The following DYRK1A variants were observed in gnomAD, a reference collection of about 807,000 sequenced individuals.
DYRK1A encodes dual specificity tyrosine-phosphorylation-regulated kinase 1A.
DYRK1A carries 9 observed loss-of-function variants against 79.7 expected under a neutral mutation model. The observed-to-expected ratio is 0.11, with a 90% CI of 0.07 to 0.20. DYRK1A has a LOEUF of 0.20. Among genes scored for constraint, DYRK1A ranks in the 10% least tolerant of loss-of-function variants. DYRK1A has a pLI of 1.00. For synonymous variants in DYRK1A, 349 were observed against 329.7 expected (o/e 1.06, Z -0.63); for missense variants, 622 against 956.0 (o/e 0.65, Z 4.61).
chr21:37,466,715 A>G (rs1023103551), intron 2 of DYRK1A, among the ~76,000 whole-genome samples: 1 of 152,212 alleles, frequency 6.6e-6, no homozygotes, highest in Non-Finnish European at 1.5e-5. Flanking sequence ...AACAACCCTG[A>G]ATTTGTATTA....
intron 1 of DYRK1A, among the ~76,000 whole-genome samples, chr21:37,368,971 C>A (rs947943977): frequency 6.6e-6 from 1 of 152,002 alleles, no homozygotes; most frequent in Non-Finnish European, 1.5e-5. Flanking sequence ...AGGCCTTTCC[C>A]CCCCCAAGAA....
At chr21:37,510,021 T>A (rs780642597) in intron 11 of DYRK1A, among the ~76,000 whole-genome samples, 10 of 152,224 alleles carry the variant, frequency 6.6e-5, no homozygotes, top group Non-Finnish European at 1.5e-4. Flanking sequence ...GCCATCTAGA[T>A]TATCAGATCA....
chr21:37,502,839 T>A (rs1458231225), intron 9 of DYRK1A: 3 of 152,212 alleles, frequency 2.0e-5, no homozygotes, highest in Non-Finnish European at 1.5e-5. Context: ...AAATACTTGT[T>A]TACCTTTATT....
chr21:37,485,617 T>A (rs1457452689), intron 5 of DYRK1A, among the ~76,000 whole-genome samples: 1 of 152,248 alleles, frequency 6.6e-6, no homozygotes, highest in East Asian at 1.9e-4. Flanking sequence ...AAAGAATTAC[T>A]TATTCAGACA....
At chr21:37,504,261 C>G (rs528189968) in intron 9 of DYRK1A, 2 of 152,618 alleles carry the variant, frequency 1.3e-5, no homozygotes, top group Admixed American at 1.3e-4. Flanking sequence ...ACTCCTAACT[C>G]TCTGTGCCTG....
At chr21:37,453,127 G>A (rs894311035) in intron 2 of DYRK1A, among the ~76,000 whole-genome samples, 61 of 152,032 alleles carry the variant, frequency 4.0e-4, no homozygotes, top group African/African-American at 1.4e-3. Context: ...AAAGAAAAAA[G>A]TACAAAGCAA....
chr21:37,501,713 T>A (rs1345978070), intron 9 of DYRK1A: 1 of 152,190 alleles, frequency 6.6e-6, no homozygotes, highest in Non-Finnish European at 1.5e-5. Context: ...TGATAAGAAT[T>A]GTATTTTGTG....
intron 11 of DYRK1A, among the ~76,000 whole-genome samples, chr21:37,509,601 C>T (rs1187749879): frequency 6.6e-6 from 1 of 152,160 alleles, no homozygotes; most frequent in East Asian, 1.9e-4. Context: ...TGTGTCCCAG[C>T]ACACCCTGCA....
At chr21:37,497,199 G>C (rs2053297625) in intron 9 of DYRK1A, among the ~76,000 whole-genome samples, 1 of 152,156 alleles carries the variant, frequency 6.6e-6, no homozygotes, top group Non-Finnish European at 1.5e-5. Flanking sequence ...GATGATGGTT[G>C]ATCGCCTTAA....
intron 5 of DYRK1A, among the ~76,000 whole-genome samples, chr21:37,485,795 G>A (rs2052840939): frequency 6.6e-6 from 1 of 152,130 alleles, no homozygotes; most frequent in African/African-American, 2.4e-5. Context: ...CAAGTGAGAG[G>A]TGTTGCATGG....
chr21:37,473,855 T>G lies in DYRK1A; in HGVS notation c.207+975T>G, dbSNP rs186125035. On this transcript the variant is annotated intron_variant, in intron 3 of 11. Transcript: ENST00000647188. ...TTAAGATTTTATGTAGTGAATTGATTTCAGTTTAGTTGCGTGTTTGAGAAT... is the reference window on the plus strand; with the variant it reads ...TTAAGATTTTATGTAGTGAATTGATGTCAGTTTAGTTGCGTGTTTGAGAAT... 5.9e-5 allele frequency among the ~76,000 whole-genome samples: 9 copies of G among 152,338 alleles called. No homozygotes were observed. The East Asian group carries it at 1.2e-3, about 20-fold the overall frequency.
chr21:37,371,327 TTTGA>T (rs141901749), intron 1 of DYRK1A, among the ~76,000 whole-genome samples: 2,300 of 152,314 alleles, frequency 0.015, 64 homozygotes, highest in African/African-American at 0.053. Flanking sequence ...GCAGCCTTAG[TTTGA>T]TTATTATTTT....
At chr21:37,417,529 C>CTTTTTCTTTTTCTTTTTCTT (rs1555959239) in intron 1 of DYRK1A, among the ~76,000 whole-genome samples, 1 of 44,048 alleles carries the variant, frequency 2.3e-5, no homozygotes, top group Non-Finnish European at 3.9e-5. Flanking sequence ...TTTTCTTTTT[C>CTTTTTCTTTTTCTTTTTCTT]TTTTTTTTTT....
In DYRK1A at chr21:37,523,282, C is replaced by A; in HGVS notation, c.*10751C>A. The A allele has an allele frequency of 6.6e-6, 1 of 152,648 alleles. No homozygotes were observed. The highest frequency in any genetic ancestry group is 1.9e-4 in the South Asian group (1 of 5,162). The allele number at this position is 152,648 out of a possible 1,614,324, so 9.5% of individuals were successfully genotyped here. ...TCTTGAACCCCTGGGCTCAAGCGAT[C>A]CTTCTGCCTCAGCCTCCCATTACGG... On this transcript the variant is annotated 3_prime_UTR_variant, in exon 12 of 12. Coordinates refer to ENST00000647188, the MANE Select transcript of DYRK1A (RefSeq NM_001347721.2).
intron 2 of DYRK1A, among the ~76,000 whole-genome samples, chr21:37,471,832 A>G (rs1348098605): frequency 6.6e-6 from 1 of 152,212 alleles, no homozygotes. Context: ...AGGCACAAGT[A>G]TTTTGAATCT....
At chr21:37,373,211 C>T (rs1012495339) in intron 1 of DYRK1A, among the ~76,000 whole-genome samples, 2 of 152,136 alleles carry the variant, frequency 1.3e-5, no homozygotes, top group African/African-American at 4.8e-5. Flanking sequence ...GCACCGGCTG[C>T]CCTGCCCAGG....
intron 5 of DYRK1A, 144 bp from the exon 6 acceptor site, chr21:37,486,323 T>A (rs1373473946): frequency 2.0e-6 from 1 of 504,018 alleles, no homozygotes; most frequent in Non-Finnish European, 3.3e-6. Context: ...ATAGATGGCA[T>A]CTCTTCTACT....
chr21:37,433,383 T>C (rs1051259239), intron 2 of DYRK1A, among the ~76,000 whole-genome samples: 8 of 152,214 alleles, frequency 5.3e-5, no homozygotes, highest in Non-Finnish European at 1.0e-4. Context: ...AAACAGTCCC[T>C]TGACATGGAA....
At chr21:37,460,386 G>C (rs141693941) in intron 2 of DYRK1A, among the ~76,000 whole-genome samples, 27 of 152,274 alleles carry the variant, frequency 1.8e-4, no homozygotes, top group African/African-American at 5.1e-4. Context: ...AACAAAAGGG[G>C]TGGGGGAGTC....
Sources: gnomAD v4.1 joint callset for allele counts (sites outside exome capture counted in the v4.1 genomes callset) on GRCh38, gnomAD v4.1.1 for gene constraint, MANE v1.5 for transcripts, NCBI Gene and HGNC (gene_info 2026-07-23, HGNC 2026-07-21) for gene names.